Variants in FANCC observed in about 807,000 individuals in gnomAD.
FANCC encodes the protein FA complementation group C.
A neutral mutation model predicts 71.3 loss-of-function variants in FANCC; 55 were observed. The observed-to-expected ratio is 0.77, with a 90% confidence interval of 0.62 to 0.97. The LOEUF is 0.97. Among genes scored for constraint, FANCC ranks in the 50% least tolerant of loss-of-function variants. The pLI is 0.00. For missense variants in FANCC, 678 were observed against 670.9 expected (o/e 1.01, Z -0.12); for synonymous variants, 275 against 244.9 (o/e 1.12, Z -1.15).
At chr9:95,135,224 TTA>T in intron 8 of FANCC, 120 bp downstream of exon 8, 1 of 958,444 alleles carries the variant, frequency 1.0e-6, no homozygotes, top group Non-Finnish European at 1.7e-6. Flanking sequence ...AAATACACGA[TTA>T]TATATAAAGG....
At chr9:95,149,242 G>A (rs1474268077) in intron 7 of FANCC, among the ~76,000 whole-genome samples, 1 of 151,942 alleles carries the variant, frequency 6.6e-6, no homozygotes, top group African/African-American at 2.4e-5. Flanking sequence ...AAAACTCTTG[G>A]GAATGTATGA....
intron 4 of FANCC, among the ~76,000 whole-genome samples, chr9:95,186,884 C>T (rs1336589035): frequency 1.3e-4 from 20 of 151,478 alleles, no homozygotes; most frequent in Admixed American, 4.6e-4. Context: ...CTCTGCCTCC[C>T]GGGTTCAAGA....
chr9:95,120,065 G>A (rs1348225521), intron 10 of FANCC, among the ~76,000 whole-genome samples: 1 of 152,082 alleles, frequency 6.6e-6, no homozygotes, highest in Admixed American at 6.5e-5. Context: ...CCTATGGTTA[G>A]TGCTTCTGAG....
chr9:95,117,973 C>T lies in FANCC; in HGVS notation c.997-583G>A, dbSNP rs1352942089. Among the ~76,000 whole-genome samples, 9 of 152,184 alleles carry T rather than the reference C, an allele frequency of 5.9e-5. No individual in the cohort carries two copies. In the East Asian group the frequency reaches 1.2e-3, roughly 20 times the overall value. On this transcript the variant is annotated intron_variant, in intron 10 of 14. Coordinates refer to ENST00000289081, the MANE Select transcript of FANCC (RefSeq NM_000136.3). ...CCGACCTCAGGTGATCTGGCCGCCT[C>T]GGCCTCCCAAAGTACTGGGATTACA...
intron 4 of FANCC, among the ~76,000 whole-genome samples, chr9:95,186,814 A>G (rs1056608950): frequency 1.3e-4 from 19 of 147,816 alleles, no homozygotes; most frequent in African/African-American, 3.3e-4. Flanking sequence ...TTTTTTGAGA[A>G]AGAGTCTCAC....
intron 8 of FANCC, 151 bp downstream of exon 8, chr9:95,135,195 G>C: frequency 1.3e-6 from 1 of 799,154 alleles, no homozygotes; most frequent in South Asian, 1.6e-5. Flanking sequence ...CTATGTTAGT[G>C]ATTTCAAAAA....
chr9:95,131,452 C>A (rs186785528), intron 8 of FANCC, among the ~76,000 whole-genome samples: 69 of 152,320 alleles, frequency 4.5e-4, no homozygotes, highest in Admixed American at 1.1e-3. Flanking sequence ...AGGTCTGCAT[C>A]CCCAACTGCA....
At chr9:95,197,889 GAAC>G (rs1754397452) in intron 4 of FANCC, among the ~76,000 whole-genome samples, 1 of 152,184 alleles carries the variant, frequency 6.6e-6, no homozygotes, top group African/African-American at 2.4e-5. Flanking sequence ...TGAGTGGGTG[GAAC>G]AACACAGCAG....
chr9:95,120,458 A>G (rs1341021436), intron 10 of FANCC, among the ~76,000 whole-genome samples: 3 of 149,856 alleles, frequency 2.0e-5, no homozygotes, highest in Non-Finnish European at 3.0e-5. Flanking sequence ...CCTGTCTTCC[A>G]GGCTGGAGTG....
intron 1 of FANCC, among the ~76,000 whole-genome samples, chr9:95,279,504 T>TAA (rs777391112): frequency 1.8e-5 from 2 of 113,032 alleles, no homozygotes; most frequent in Non-Finnish European, 3.8e-5. Context: ...AGACCCTGTC[T>TAA]AAAAAAAAAA....
chr9:95,215,592 G>C (rs1478411653), intron 4 of FANCC, among the ~76,000 whole-genome samples: 2 of 152,166 alleles, frequency 1.3e-5, no homozygotes, highest in African/African-American at 2.4e-5. Context: ...CCTGCTAAGA[G>C]AGTACAGTAT....
chr9:95,252,814 G>C (rs114121780), intron 1 of FANCC, among the ~76,000 whole-genome samples: 1 of 149,706 alleles, frequency 6.7e-6, no homozygotes, highest in Non-Finnish European at 1.5e-5. Context: ...TTTGGCAGGC[G>C]GTCACAGGAG....
chr9:95,259,799 A>G (rs1370632841), intron 1 of FANCC, among the ~76,000 whole-genome samples: 1 of 152,244 alleles, frequency 6.6e-6, no homozygotes, highest in Non-Finnish European at 1.5e-5. Context: ...TCCATCTGAC[A>G]AAGGGCTAAC....
At chr9:95,316,261 T>C (rs1245137996) in intron 1 of FANCC, among the ~76,000 whole-genome samples, 1 of 152,254 alleles carries the variant, frequency 6.6e-6, no homozygotes, top group Non-Finnish European at 1.5e-5. Flanking sequence ...ATATGAATAA[T>C]GTATATGAGT....
intron 4 of FANCC, among the ~76,000 whole-genome samples, chr9:95,189,160 G>A (rs938294052): frequency 1.8e-4 from 27 of 151,668 alleles, no homozygotes; most frequent in African/African-American, 6.3e-4. Context: ...ACACATTTCT[G>A]TAGCTTTTGC....
Position 95,171,089 on chromosome 9 carries a change from T to G in FANCC, c.511A>C (p.Thr171Pro), listed in dbSNP as rs1554842592. 1 of 1,612,680 alleles carries G rather than the reference T, an allele frequency of 6.2e-7. No individual in the cohort carries two copies. The change falls in exon 6 of 15, where the codon ACT (threonine) becomes CCT (proline). Residue 171 changes from threonine (T) to proline (P), a missense_variant. By Grantham distance (38) the Thr-to-Pro change is conservative. Coordinates refer to ENST00000289081, the MANE Select transcript of FANCC (RefSeq NM_000136.3). The stretch of plus-strand genomic sequence containing the variant: ...TAGTTTAACACCTACCGCCTTTGAG[T>G]GTTAAATCCATTAAGATGATTCTCT... ...LRENHLNGFNTQRRMAPERVA... is the reference protein window; with the variant it reads ...LRENHLNGFNPQRRMAPERVA...
intron 1 of FANCC, among the ~76,000 whole-genome samples, chr9:95,269,179 C>G (rs1259257783): frequency 6.6e-6 from 1 of 152,154 alleles, no homozygotes; most frequent in Non-Finnish European, 1.5e-5. Context: ...TCCTATCAAG[C>G]TTTGGCTATC....
At chr9:95,200,960 C>T (rs766591947) in intron 4 of FANCC, among the ~76,000 whole-genome samples, 64 of 152,304 alleles carry the variant, frequency 4.2e-4, no homozygotes, top group Middle Eastern at 3.4e-3. Flanking sequence ...ATAAAAAGCA[C>T]TCTCCAGAAC....
intron 4 of FANCC, among the ~76,000 whole-genome samples, chr9:95,175,528 A>G (rs935152262): frequency 6.6e-6 from 1 of 152,214 alleles, no homozygotes; most frequent in African/African-American, 2.4e-5. Context: ...CATAGCCCCA[A>G]GAGAGTTCGT....
Sources: gnomAD v4.1 joint callset for allele counts (sites outside exome capture counted in the v4.1 genomes callset) on GRCh38, gnomAD v4.1.1 for gene constraint, MANE v1.5 for transcripts, NCBI Gene and HGNC (gene_info 2026-07-23, HGNC 2026-07-21) for gene names.